GATA2: variants seen among roughly 807,000 people sequenced by gnomAD.
GATA2 encodes GATA binding protein 2, also known as endothelial transcription factor GATA-2.
In GATA2, 6 loss-of-function variants were observed where a neutral mutation model predicts 35.7. The ratio of observed to expected loss-of-function variants is 0.17; its 90% CI spans 0.09 to 0.33. The LOEUF (loss-of-function observed/expected upper bound fraction) is 0.33, where lower values mean the gene tolerates loss of function less well. Among genes scored for constraint, GATA2 ranks in the 10% least tolerant of loss-of-function variants. The probability of loss-of-function intolerance (pLI) is 1.00; values close to 1 mark genes in which losing one functional copy is unlikely to be tolerated. For missense variants in GATA2, 541 were observed against 656.6 expected (o/e 0.82, Z 1.92); for synonymous variants, 313 against 274.9 (o/e 1.14, Z -1.37).
intron 3 of GATA2, among the ~76,000 whole-genome samples, chr3:128,484,636 GT>G (rs149279012): frequency 0.025 from 3,508 of 141,992 alleles, 45 homozygotes; most frequent in Middle Eastern, 0.033. Context: ...AGTGGCCTGG[GT>G]TTTTTTTGTT....
rs1576743551 is a variant in GATA2 at position 128,480,566 on chromosome 3, C to A, written c.*453G>T. 1.1e-5 allele frequency: 3 copies of A among 261,732 alleles called. No homozygotes were observed. The Admixed American group carries it at 1.6e-4, about 14-fold the overall frequency. 16.2% of individuals were successfully genotyped at this position (261,732 alleles called of 1,614,324 possible). ...AAGAGGGTGCAGGCTGAGGTCCCCACAAATCTGCCCCCAGAGCCCTGGCAA... is the reference window on the plus strand; with the variant it reads ...AAGAGGGTGCAGGCTGAGGTCCCCAAAAATCTGCCCCCAGAGCCCTGGCAA... On this transcript the variant is annotated 3_prime_UTR_variant, in exon 6 of 6. Transcript: ENST00000341105.
Position 128,486,349 on chromosome 3 carries a change from C to A in GATA2, c.249G>T (p.Gln83His), listed in dbSNP as rs2068699674. The A allele has an allele frequency of 6.2e-7, 1 of 1,602,286 alleles. No homozygotes were observed. The highest frequency in any genetic ancestry group is 2.2e-5 in the East Asian group (1 of 44,568). The part of the protein sequence containing the change: ...SPAHARLTGG[Q>H]MCRPHLLHSP... Reference sequence around the variant, plus strand: ...TGTGCAACAAGTGTGGGCGGCACATCTGGCCTCCGGTCAGGCGGGCTGCGG... The same window carrying A: ...TGTGCAACAAGTGTGGGCGGCACATATGGCCTCCGGTCAGGCGGGCTGCGG... The change falls in exon 3 of 6, where the codon CAG (glutamine) becomes CAT (histidine). Residue 83 changes from glutamine (Q) to histidine (H), a missense_variant. Coordinates refer to ENST00000341105, the MANE Select transcript of GATA2 (RefSeq NM_032638.5).
chr3:128,493,083 G>A lies in GATA2; in HGVS notation c.-230C>T, dbSNP rs542012017. 4.6e-5 allele frequency: 7 copies of A among 152,466 alleles called. No homozygotes were observed. The highest frequency in any genetic ancestry group is 1.7e-4 in the African/African-American group (7 of 41,594). 9.4% of individuals were successfully genotyped at this position (152,466 alleles called of 1,614,324 possible). ...TCAGCGGACCGCTTTTGTCCGCCTG[G>A]TGGGCGACGGGGCCCTGCTAGGATG... On this transcript the variant is annotated 5_prime_UTR_variant, in exon 1 of 6. Transcript: ENST00000341105.
At chr3:128,490,611 G>A (rs1250261096) in intron 1 of GATA2, 2 of 152,244 alleles carry the variant, frequency 1.3e-5, no homozygotes, top group Non-Finnish European at 1.5e-5. Context: ...AAGTAGCAGG[G>A]CGCCCAGCTG....
intron 3 of GATA2, 80 bp downstream of exon 3, chr3:128,485,647 A>G (rs1190878201): frequency 8.5e-6 from 13 of 1,520,724 alleles, no homozygotes; most frequent in South Asian, 1.2e-5. Flanking sequence ...CAACACTGCC[A>G]CCTCTCCCAA....
At position 128,480,193 on chromosome 3, in the gene GATA2, G is replaced by A. The variant is rs2068606250; in HGVS notation, c.*826C>T. 8.6e-6 allele frequency: 2 copies of A among 233,286 alleles called. No individual in the cohort carries two copies. The highest frequency in any genetic ancestry group is 1.7e-5 in the Non-Finnish European group (2 of 118,058). 14.5% of individuals were successfully genotyped at this position (233,286 alleles called of 1,614,324 possible). A position where few individuals can be genotyped will look rare whatever the true frequency, so the allele number is the denominator to read the frequency against. ...TATTTTTTCTTTTGTCTCAGAGTAG[G>A]AGGCGAGGGGGTTGAAGGGTTAGCA... On this transcript the variant is annotated 3_prime_UTR_variant, in exon 6 of 6. Transcript: ENST00000341105.
Position 128,480,915 on chromosome 3 carries a change from A to G in GATA2, c.*104T>C. On this transcript the variant is annotated 3_prime_UTR_variant, in exon 6 of 6. Coordinates refer to ENST00000341105, the MANE Select transcript of GATA2 (RefSeq NM_032638.5). Reference sequence around the variant, plus strand: ...CTCCAGGAGAGGGGGTGCTGGGCCGAGCCGGGCTGGCAGGAGTGGTGTCGG... The same window carrying G: ...CTCCAGGAGAGGGGGTGCTGGGCCGGGCCGGGCTGGCAGGAGTGGTGTCGG... 1 of 1,328,906 alleles carries G rather than the reference A, an allele frequency of 7.5e-7. No homozygotes were observed. The highest frequency in any genetic ancestry group is 2.8e-5 in the Admixed American group (1 of 35,120). 82.3% of individuals were successfully genotyped at this position (1,328,906 alleles called of 1,614,324 possible).
Position 128,485,897 on chromosome 3 carries a change from G to A in GATA2, c.701C>T (p.Ala234Val). The change falls in exon 3 of 6, where the codon GCT becomes GTT. Residue 234 changes from alanine to valine, a missense_variant. By Grantham distance (64) the Ala-to-Val change is moderately conservative. Transcript: ENST00000341105. The stretch of plus-strand genomic sequence containing the variant: ...TGTAGCAGGCTGGGTGCCCATAGTA[G>A]CTAGGCCTGGGCGCAGGGGACTGCC... The part of the protein sequence containing the change: ...ESGSPLRPGL[A>V]TMGTQPATHH... The A allele has an allele frequency of 6.2e-7, 1 of 1,614,122 alleles. No individual in the cohort carries two copies. The highest frequency in any genetic ancestry group is 8.5e-7 in the Non-Finnish European group (1 of 1,179,984).
intron 4 of GATA2, 66 bp from the exon 5 acceptor site, chr3:128,482,010 C>T (rs193252096): frequency 6.3e-7 from 1 of 1,592,216 alleles, no homozygotes; most frequent in Admixed American, 1.7e-5. Context: ...CTCCCTGACC[C>T]TCGCTCCACC....
chr3:128,485,588 G>C, intron 3 of GATA2, 139 bp downstream of exon 3: 4 of 1,105,466 alleles, frequency 3.6e-6, no homozygotes, highest in Non-Finnish European at 5.2e-6. Context: ...TCAAACATCT[G>C]CTGGGGGCTA....
chr3:128,480,577 CCA>C lies in GATA2; in HGVS notation c.*440_*441del, dbSNP rs1559984245. On this transcript the variant is annotated 3_prime_UTR_variant, in exon 6 of 6. Transcript: ENST00000341105. ...GGCTGAGGTCCCCACAAATCTGCCC[CCA>C]GAGCCCTGGCAAGTGGACCCGCCAA... 4 of 264,990 alleles carry C rather than the reference CCA, an allele frequency of 1.5e-5. No individual in the cohort carries two copies. The highest frequency in any genetic ancestry group is 7.2e-6 in the Non-Finnish European group (1 of 139,324). The allele number at this position is 264,990 out of a possible 1,614,324, so 16.4% of individuals were successfully genotyped here.
At position 128,486,881 on chromosome 3, in the gene GATA2, G is replaced by A. The variant is rs2068708486; in HGVS notation, c.151C>T (p.His51Tyr). 6.2e-7 allele frequency: 1 copy of A among 1,612,694 alleles called. No homozygotes were observed. The highest frequency in any genetic ancestry group is 2.2e-5 in the East Asian group (1 of 44,846). ...TAGGGGTTGCCCTGCGAGTCGAGGT[G>A]ATTGAAGAAGACGTCCACCTCGTCT... ...PPDEVDVFFN[H>Y]LDSQGNPYYA... Residue 51 changes from histidine to tyrosine, a missense_variant, in exon 2 of 6, where the codon CAC (histidine) becomes TAC (tyrosine). His to Tyr is a moderately conservative substitution (Grantham distance 83, BLOSUM62 2). Transcript: ENST00000341105.
chr3:128,486,757 TGGCGCGC>T, intron 2 of GATA2, 39 bp downstream of exon 2: 4 of 1,531,526 alleles, frequency 2.6e-6, no homozygotes, highest in Non-Finnish European at 3.6e-6. Flanking sequence ...CTCCCTCGCC[TGGCGCGC>T]GGCGCCTGGG....
At position 128,480,383 on chromosome 3, in the gene GATA2, C is replaced by A. The variant is rs976697537; in HGVS notation, c.*636G>T. 1 of 233,708 alleles carries A rather than the reference C, an allele frequency of 4.3e-6. No homozygotes were observed. Among genetic ancestry groups the A allele is most frequent in the Non-Finnish European group, 8.4e-6 (1 of 118,344 alleles). The allele number at this position is 233,708 out of a possible 1,614,324, so 14.5% of individuals were successfully genotyped here. A position where few individuals can be genotyped will look rare whatever the true frequency, so the allele number is the denominator to read the frequency against. ...TTTCCTTCCTGTGACCCAGCCCTGG[C>A]CTGGGAATCTGTGCAGGACCGCCCG... On this transcript the variant is annotated 3_prime_UTR_variant, in exon 6 of 6. Transcript: ENST00000341105.
At position 128,486,027 on chromosome 3, in the gene GATA2, C is replaced by A; in HGVS notation, c.571G>T (p.Ala191Ser). The A allele has an allele frequency of 6.2e-7, 1 of 1,614,180 alleles. No homozygotes were observed. The highest frequency in any genetic ancestry group is 8.5e-7 in the Non-Finnish European group (1 of 1,180,022). ...VSPDPSTTGAASPASSSAGGS... is the reference protein window; with the variant it reads ...VSPDPSTTGASSPASSSAGGS... ...CCCGCGGAAGATGAGGCTGGAGACG[C>A]AGCCCCCGTGGTGCTAGGGTCAGGA... The change falls in exon 3 of 6, where the codon GCG (alanine) becomes TCG (serine). Residue 191 changes from alanine (A) to serine (S), a missense_variant. Coordinates refer to ENST00000341105, the MANE Select transcript of GATA2 (RefSeq NM_032638.5).
chr3:128,482,045 G>T, intron 4 of GATA2, 101 bp from the exon 5 acceptor site: 1 of 1,469,146 alleles, frequency 6.8e-7, no homozygotes, highest in Non-Finnish European at 9.3e-7. Flanking sequence ...GCTCAGTCAA[G>T]GAGGGCTAAA....
intron 3 of GATA2, among the ~76,000 whole-genome samples, chr3:128,484,779 T>TGCTGGGGCCA (rs1467149026): frequency 6.6e-6 from 1 of 151,886 alleles, no homozygotes; most frequent in Non-Finnish European, 1.5e-5. Context: ...GCTCAGCGGG[T>TGCTGGGGCCA]GCTGGGGCCA....
chr3:128,486,814 C>G lies in GATA2; in HGVS notation c.218G>C (p.Ser73Thr). The G allele has an allele frequency of 6.2e-7, 1 of 1,606,074 alleles. No homozygotes were observed. Among genetic ancestry groups the G allele is most frequent in the Non-Finnish European group, 8.5e-7 (1 of 1,177,264 alleles). The change falls in exon 2 of 6, where the codon AGC (serine) becomes ACC (threonine). Residue 73 changes from serine (S) to threonine (T), a missense_variant. Physicochemically the swap from Ser to Thr is moderately conservative, Grantham distance 58 (BLOSUM62 1). Around this residue, in one of 5 missense-constraint regions of GATA2, gnomAD observed 389 missense variants for 396.9 expected, o/e 0.98. Transcript: ENST00000341105. Reference sequence around the variant, plus strand: ...GGCCCAGTGCTCACCGTGCGCGGGGCTGTAGGAGACGCGCGCCCGCGCGTG... The same window carrying G: ...GGCCCAGTGCTCACCGTGCGCGGGGGTGTAGGAGACGCGCGCCCGCGCGTG... ...PAHARARVSY[S>T]PAHARLTGGQ...
At chr3:128,484,049 A>T (rs1204327973) in intron 3 of GATA2, 44 bp from the exon 4 acceptor site, 2 of 1,602,300 alleles carry the variant, frequency 1.2e-6, no homozygotes, top group Non-Finnish European at 1.7e-6. Context: ...CTTAACCGGC[A>T]AGTTCTCGGG....
Sources: allele counts gnomAD v4.1 joint callset (sites outside exome capture counted in the v4.1 genomes callset), GRCh38; gene constraint gnomAD v4.1.1; regional missense constraint gnomAD v4.1.1; transcripts MANE v1.5; gene names NCBI Gene and HGNC (gene_info 2026-07-23, HGNC 2026-07-21).